Variants in ARMC3 observed in about 807,000 individuals in gnomAD.
ARMC3 encodes the protein armadillo repeat-containing protein 3.
Under a neutral mutation model 90.3 loss-of-function variants are expected in ARMC3, and 74 were observed. The ratio of observed to expected loss-of-function variants is 0.82; its 90% CI spans 0.68 to 0.99. ARMC3 has a LOEUF of 0.99. Among genes scored for constraint, ARMC3 ranks in the 50% least tolerant of loss-of-function variants. The probability of loss-of-function intolerance (pLI) is 0.00; values close to 1 mark genes in which losing one functional copy is unlikely to be tolerated. For missense variants in ARMC3, 958 were observed against 1,042.8 expected (o/e 0.92, Z 1.12); for synonymous variants, 334 against 361.8 (o/e 0.92, Z 0.87).
intron 15 of ARMC3, 89 bp downstream of exon 15, chr10:23,008,463 T>G: frequency 1.4e-6 from 1 of 739,992 alleles, no homozygotes; most frequent in Non-Finnish European, 2.3e-6. Flanking sequence ...TTGGGGCAAC[T>G]TGATTTTTAT....
Position 22,995,876 on chromosome 10 carries a change from A to T in ARMC3, c.1176-2272A>T, listed in dbSNP as rs544807509. ...TTTATTGTTTGCATTTACTTAAAAT[A>T]CTTCTGTTTCTATCCTGGATGCCAT... is the stretch of plus-strand genomic sequence containing the variant. On this transcript the variant is annotated intron_variant, in intron 10 of 18. Transcript: ENST00000298032. Among the ~76,000 whole-genome samples the T allele has an allele frequency of 1.4e-4, 21 of 152,302 alleles. 1 individual carries two copies. The South Asian group carries it at 4.1e-3, about 30-fold the overall frequency.
intron 3 of ARMC3, among the ~76,000 whole-genome samples, chr10:22,948,973 G>T (rs999513189): frequency 3.3e-5 from 5 of 152,188 alleles, no homozygotes; most frequent in Middle Eastern, 3.2e-3. Context: ...AGTGCCTGGT[G>T]CTCACATACG....
At chr10:22,965,434 G>A (rs891553426) in intron 7 of ARMC3, among the ~76,000 whole-genome samples, 1 of 152,150 alleles carries the variant, frequency 6.6e-6, no homozygotes, top group Non-Finnish European at 1.5e-5. Flanking sequence ...TTTCCTGTAC[G>A]TGATGTGTCA....
intron 1 of ARMC3, among the ~76,000 whole-genome samples, chr10:22,931,432 A>G (rs896543995): frequency 4.6e-5 from 7 of 152,204 alleles, no homozygotes; most frequent in African/African-American, 1.7e-4. Flanking sequence ...ACTTTTTGTT[A>G]TCCGGGCAAA....
intron 7 of ARMC3, among the ~76,000 whole-genome samples, chr10:22,964,500 C>G (rs141521339): frequency 0.016 from 2,399 of 149,756 alleles, 24 homozygotes; most frequent in South Asian, 0.028. Context: ...AGAGCAGTGG[C>G]ACGATCTCTG....
chr10:22,983,608 C>T (rs965562436), intron 10 of ARMC3, among the ~76,000 whole-genome samples: 1 of 151,746 alleles, frequency 6.6e-6, no homozygotes, highest in African/African-American at 2.4e-5. Context: ...TCTGAATATT[C>T]CTTGAGGTCT....
intron 4 of ARMC3, among the ~76,000 whole-genome samples, chr10:22,957,074 T>C (rs1834972147): frequency 6.6e-6 from 1 of 152,188 alleles, no homozygotes; most frequent in South Asian, 2.1e-4. Flanking sequence ...TAGGCTGCTC[T>C]GACTAAACAC....
intron 10 of ARMC3, among the ~76,000 whole-genome samples, chr10:22,984,815 A>T (rs1210002872): frequency 2.0e-5 from 3 of 152,104 alleles, no homozygotes; most frequent in Non-Finnish European, 4.4e-5. Flanking sequence ...TAATCCAAAA[A>T]AACTTTTAAA....
intron 16 of ARMC3, among the ~76,000 whole-genome samples, chr10:23,012,080 T>A (rs1254605081): frequency 6.6e-6 from 1 of 152,226 alleles, no homozygotes; most frequent in Non-Finnish European, 1.5e-5. Flanking sequence ...TTGGTTCTTC[T>A]GCTCTTCTTG....
intron 17 of ARMC3, chr10:23,031,155 A>G (rs1838911420): frequency 5.4e-6 from 1 of 183,802 alleles, no homozygotes; most frequent in African/African-American, 2.4e-5. Context: ...AAGGAATCCT[A>G]CTGTGAATTA....
intron 8 of ARMC3, among the ~76,000 whole-genome samples, chr10:22,974,276 A>G (rs1835820963): frequency 1.3e-5 from 2 of 152,228 alleles, no homozygotes; most frequent in Non-Finnish European, 2.9e-5. Flanking sequence ...AAGTATAATT[A>G]GGGTTAAGGG....
chr10:22,999,545 C>T (rs778540552), intron 11 of ARMC3, among the ~76,000 whole-genome samples: 1 of 152,192 alleles, frequency 6.6e-6, no homozygotes, highest in Non-Finnish European at 1.5e-5. Flanking sequence ...ATAACAAAAC[C>T]AACGTTTATT....
chr10:22,962,657 G>A (rs1230529040), intron 7 of ARMC3, among the ~76,000 whole-genome samples: 1 of 152,114 alleles, frequency 6.6e-6, no homozygotes, highest in Non-Finnish European at 1.5e-5. Context: ...TTAATATTTA[G>A]TAAATTCAAT....
At chr10:23,012,092 A>C (rs6482246) in intron 16 of ARMC3, among the ~76,000 whole-genome samples, 38,838 of 151,862 alleles carry the variant, frequency 0.26, 5,791 homozygotes, top group African/African-American at 0.41. Flanking sequence ...CTCTTCTTGG[A>C]TTTTTACAAT....
chr10:22,989,206 G>T (rs1441368814), intron 10 of ARMC3, among the ~76,000 whole-genome samples: 1 of 152,186 alleles, frequency 6.6e-6, no homozygotes, highest in Admixed American at 6.5e-5. Flanking sequence ...ATTTTTAAAA[G>T]ATTCCGATCT....
At chr10:22,967,371 C>A (rs1835484658) in intron 7 of ARMC3, among the ~76,000 whole-genome samples, 1 of 151,986 alleles carries the variant, frequency 6.6e-6, no homozygotes, top group Non-Finnish European at 1.5e-5. Flanking sequence ...AATTTGGTAC[C>A]CATATACCTC....
At chr10:22,995,584 A>C (rs938713210) in intron 10 of ARMC3, among the ~76,000 whole-genome samples, 8 of 152,322 alleles carry the variant, frequency 5.3e-5, no homozygotes, top group South Asian at 2.1e-4. Flanking sequence ...TACTGTCTCC[A>C]TCAAGAGCAA....
At chr10:23,028,625 C>T (rs1838809155) in intron 16 of ARMC3, among the ~76,000 whole-genome samples, 1 of 152,152 alleles carries the variant, frequency 6.6e-6, no homozygotes, top group Non-Finnish European at 1.5e-5. Flanking sequence ...AAGTTGAGTT[C>T]AGGCTTCCAA....
chr10:22,969,441 G>A (rs1835585679), intron 8 of ARMC3, among the ~76,000 whole-genome samples: 1 of 152,158 alleles, frequency 6.6e-6, no homozygotes. Flanking sequence ...ACTCACATCT[G>A]TATATTGATA....
Sources: gnomAD v4.1 joint callset for allele counts (sites outside exome capture counted in the v4.1 genomes callset) on GRCh38, gnomAD v4.1.1 for gene constraint, MANE v1.5 for transcripts, NCBI Gene and HGNC (gene_info 2026-07-23, HGNC 2026-07-21) for gene names.